The following SH3PXD2A variants were observed in gnomAD, a reference collection of about 807,000 sequenced individuals.
SH3PXD2A encodes SH3 and PX domain-containing protein 2A.
In SH3PXD2A, 32 loss-of-function variants were observed where a neutral mutation model predicts 115.2. The observed-to-expected ratio is 0.28, with a 90% confidence interval of 0.21 to 0.37. The LOEUF (loss-of-function observed/expected upper bound fraction) is 0.37. Among genes scored for constraint, SH3PXD2A ranks in the 10% least tolerant of loss-of-function variants. The pLI is 1.00. For synonymous variants in SH3PXD2A, 610 were observed against 629.1 expected, an observed-to-expected ratio of 0.97 and a Z score of 0.45; for missense variants, 1,328 against 1,498.7, an observed-to-expected ratio of 0.89 and a Z score of 1.88.
chr10:103,625,709 T>A (rs933087288), intron 9 of SH3PXD2A, among the ~76,000 whole-genome samples: 2 of 152,142 alleles, frequency 1.3e-5, no homozygotes, highest in Non-Finnish European at 2.9e-5. Context: ...CTGACCAACA[T>A]GGCGAGACCC....
intron 5 of SH3PXD2A, among the ~76,000 whole-genome samples, chr10:103,705,960 C>A (rs957993933): frequency 6.6e-6 from 1 of 150,724 alleles, no homozygotes; most frequent in East Asian, 1.9e-4. Context: ...GATCGTGCCA[C>A]TGCACTCCAG....
chr10:103,661,044 C>A lies in SH3PXD2A; in HGVS notation c.543G>T (p.Glu181Asp). Reference sequence around the variant, plus strand: ...CGGCCTGGAGGCTCAGCTCCGAGTTCTCCTGCTTCTTATAGTTGGACACCA... The same window carrying A: ...CGGCCTGGAGGCTCAGCTCCGAGTTATCCTGCTTCTTATAGTTGGACACCA... The part of the protein sequence containing the change: ...YVVVSNYKKQ[E>D]NSELSLQAGE... The change falls in exon 8 of 15, where the codon GAG (glutamate) becomes GAT (aspartate). Residue 181 changes from glutamate (E) to aspartate (D), a missense_variant. Physicochemically the swap from Glu to Asp is conservative, Grantham distance 45. This residue lies in a region of SH3PXD2A where 509 missense variants were observed against 628.3 expected (regional missense o/e 0.81). Coordinates refer to ENST00000369774, the MANE Select transcript of SH3PXD2A (RefSeq NM_001394015.1). 6.2e-7 allele frequency: 1 copy of A among 1,614,176 alleles called. No homozygotes were observed. Among genetic ancestry groups the A allele is most frequent in the South Asian group, 1.1e-5 (1 of 91,090 alleles).
chr10:103,635,247 T>A (rs2036846198), intron 8 of SH3PXD2A, among the ~76,000 whole-genome samples: 1 of 152,232 alleles, frequency 6.6e-6, no homozygotes, highest in South Asian at 2.1e-4. Context: ...ACACCTGGCT[T>A]CTTCCCTGAG....
chr10:103,849,518 T>C (rs1422616546), intron 1 of SH3PXD2A, among the ~76,000 whole-genome samples: 1 of 152,184 alleles, frequency 6.6e-6, no homozygotes, highest in Non-Finnish European at 1.5e-5. Context: ...GCTGATATGG[T>C]GACTTGCCTG....
chr10:103,716,263 G>T (rs1564871600), intron 5 of SH3PXD2A, among the ~76,000 whole-genome samples: 1 of 152,194 alleles, frequency 6.6e-6, no homozygotes, highest in Non-Finnish European at 1.5e-5. Flanking sequence ...CTGCCCTGGG[G>T]TTCCCCGCAG....
At chr10:103,691,792 C>T (rs2037755253) in intron 6 of SH3PXD2A, among the ~76,000 whole-genome samples, 1 of 152,130 alleles carries the variant, frequency 6.6e-6, no homozygotes, top group Admixed American at 6.5e-5. Context: ...TAAACATACC[C>T]TCACAGCACA....
intron 5 of SH3PXD2A, among the ~76,000 whole-genome samples, chr10:103,709,898 G>A (rs1028935273): frequency 6.6e-6 from 1 of 152,094 alleles, no homozygotes; most frequent in East Asian, 1.9e-4. Context: ...CTGAGGTCAG[G>A]AGTTCGAGAC....
In SH3PXD2A at chr10:103,623,079, G is replaced by A. The variant is rs1039390537; in HGVS notation, c.719-526C>T. Among the ~76,000 whole-genome samples, 13 of 152,176 alleles carry A rather than the reference G, an allele frequency of 8.5e-5. No individual in the cohort carries two copies. The South Asian group carries it at 1.0e-3, about 12-fold the overall frequency. On this transcript the variant is annotated intron_variant, in intron 9 of 14. Transcript: ENST00000369774. ...AGAGAGACTTGGATCCCTTCCTTGC[G>A]GGGCTGAGAGCTCTCGCCATTCTGG...
chr10:103,637,841 A>G (rs1244648349), intron 8 of SH3PXD2A, among the ~76,000 whole-genome samples: 1 of 152,176 alleles, frequency 6.6e-6, no homozygotes, highest in Non-Finnish European at 1.5e-5. Flanking sequence ...GCTGGGCCCA[A>G]GTGAGTGCTG....
chr10:103,767,042 C>G, intron 3 of SH3PXD2A, 52 bp downstream of exon 3: 1 of 1,401,544 alleles, frequency 7.1e-7, no homozygotes. Flanking sequence ...AAGGGAAGGA[C>G]TGGTCCTTCC....
intron 3 of SH3PXD2A, among the ~76,000 whole-genome samples, chr10:103,748,318 G>A (rs1160099104): frequency 6.6e-6 from 1 of 152,128 alleles, no homozygotes; most frequent in East Asian, 1.9e-4. Flanking sequence ...CTCTTTCTTT[G>A]GGCAGACTGA....
Position 103,752,484 on chromosome 10 carries a change from C to T in SH3PXD2A, c.229+14610G>A, listed in dbSNP as rs529862728. Among the ~76,000 whole-genome samples the T allele has an allele frequency of 2.6e-5, 4 of 152,282 alleles. No homozygotes were observed. The East Asian group carries it at 5.8e-4, about 22-fold the overall frequency. On this transcript the variant is annotated intron_variant, in intron 3 of 14. Coordinates refer to ENST00000369774, the MANE Select transcript of SH3PXD2A (RefSeq NM_001394015.1). ...ACTTATCCTTATGGGGGATTCTGAACTAATAAATACAAATCTATTACAATG... is the reference window on the plus strand; with the variant it reads ...ACTTATCCTTATGGGGGATTCTGAATTAATAAATACAAATCTATTACAATG...
chr10:103,845,139 C>A (rs933932488), intron 1 of SH3PXD2A, among the ~76,000 whole-genome samples: 2 of 151,512 alleles, frequency 1.3e-5, no homozygotes, highest in Non-Finnish European at 1.5e-5. Context: ...GCCTGGCCAA[C>A]ACTGTGAAAC....
In SH3PXD2A at chr10:103,724,494, C is replaced by G. The variant is rs1284811126; in HGVS notation, c.307-133G>C. 25 of 538,780 alleles carry G rather than the reference C, an allele frequency of 4.6e-5. No homozygotes were observed. In the East Asian group the frequency reaches 8.5e-4, roughly 18 times the overall value. 33.4% of individuals were successfully genotyped at this position (538,780 alleles called of 1,614,324 possible). The stretch of plus-strand genomic sequence containing the variant: ...GCCATGGAAGACATGGTCAACCAGC[C>G]ACCCACCTGTCCACCCAGAAAACTA... On this transcript the variant is annotated intron_variant, in intron 4 of 14. Coordinates refer to ENST00000369774, the MANE Select transcript of SH3PXD2A (RefSeq NM_001394015.1).
At chr10:103,622,642 G>A in intron 9 of SH3PXD2A, 89 bp from the exon 10 acceptor site, 2 of 545,770 alleles carry the variant, frequency 3.7e-6, no homozygotes, top group Admixed American at 2.4e-5. Context: ...GGGGTGGGAG[G>A]AAGGGGCACA....
intron 5 of SH3PXD2A, among the ~76,000 whole-genome samples, chr10:103,710,853 T>C (rs1180491890): frequency 6.6e-6 from 1 of 151,856 alleles, no homozygotes; most frequent in South Asian, 2.1e-4. Flanking sequence ...CTCAACAACA[T>C]AGCAAGACCC....
intron 3 of SH3PXD2A, among the ~76,000 whole-genome samples, chr10:103,740,975 C>T (rs1033386764): frequency 1.4e-4 from 21 of 152,134 alleles, no homozygotes; most frequent in African/African-American, 4.8e-4. Context: ...GGAGTGGGCA[C>T]GGGAAGAAGG....
chr10:103,709,988 G>A (rs1455372690), intron 5 of SH3PXD2A, among the ~76,000 whole-genome samples: 3 of 151,944 alleles, frequency 2.0e-5, no homozygotes, highest in Admixed American at 1.3e-4. Context: ...CCAGCTACTT[G>A]GGAGGCTGAG....
chr10:103,739,327 T>C (rs1376618636), intron 3 of SH3PXD2A, among the ~76,000 whole-genome samples: 3 of 152,184 alleles, frequency 2.0e-5, no homozygotes, highest in Non-Finnish European at 4.4e-5. Flanking sequence ...CAGAGGAGAA[T>C]TTCTGCACAA....
Sources: allele counts gnomAD v4.1 joint callset (sites outside exome capture counted in the v4.1 genomes callset), GRCh38; gene constraint gnomAD v4.1.1; regional missense constraint gnomAD v4.1.1; transcripts MANE v1.5; gene names NCBI Gene and HGNC (gene_info 2026-07-23, HGNC 2026-07-21).